Variants in CALCR observed in about 807,000 individuals in gnomAD.
CALCR encodes the protein calcitonin receptor.
Under a neutral mutation model 59.5 loss-of-function variants are expected in CALCR, and 47 were observed. That is an observed-to-expected ratio of 0.79 (90% CI 0.63 to 1.01). CALCR has a LOEUF of 1.01. Ranked by LOEUF, CALCR falls within the 50% of genes least tolerant of loss-of-function variation. The probability of loss-of-function intolerance (pLI) is 0.00; values close to 1 mark genes in which losing one functional copy is unlikely to be tolerated. For missense variants in CALCR, 566 were observed against 597.1 expected (o/e 0.95, Z 0.54); for synonymous variants, 213 against 211.3 (o/e 1.01, Z -0.07).
intron 9 of CALCR, chr7:93,441,487 AGGG>A (rs765535677): frequency 2.2e-6 from 1 of 453,004 alleles, no homozygotes; most frequent in Admixed American, 2.4e-5. Flanking sequence ...AATTGTTGAG[AGGG>A]TGTACATACG....
intron 2 of CALCR, among the ~76,000 whole-genome samples, chr7:93,553,106 C>A (rs913575251): frequency 6.6e-6 from 1 of 152,168 alleles, no homozygotes; most frequent in Non-Finnish European, 1.5e-5. Flanking sequence ...AATAAAATGA[C>A]TTTTATCCAA....
chr7:93,510,289 C>A (rs905113154), intron 2 of CALCR, among the ~76,000 whole-genome samples: 7 of 152,132 alleles, frequency 4.6e-5, no homozygotes, highest in African/African-American at 1.7e-4. Flanking sequence ...TCAGGAGCTA[C>A]TTAGGACCCG....
intron 2 of CALCR, among the ~76,000 whole-genome samples, chr7:93,519,541 T>G (rs772831404): frequency 6.6e-6 from 1 of 152,066 alleles, no homozygotes; most frequent in Non-Finnish European, 1.5e-5. Context: ...CCTCAGCACA[T>G]AGTATTCAAT....
At chr7:93,510,704 C>A (rs1801527234) in intron 2 of CALCR, among the ~76,000 whole-genome samples, 1 of 151,802 alleles carries the variant, frequency 6.6e-6, no homozygotes, top group Admixed American at 6.6e-5. Flanking sequence ...ACTGTCTCTA[C>A]AAAATAAAAG....
intron 8 of CALCR, among the ~76,000 whole-genome samples, chr7:93,450,096 C>G (rs1483847220): frequency 6.6e-6 from 1 of 152,006 alleles, no homozygotes; most frequent in Non-Finnish European, 1.5e-5. Context: ...TTCCATCTAT[C>G]CTTTCACTTT....
At chr7:93,518,993 T>C (rs1801703246) in intron 2 of CALCR, among the ~76,000 whole-genome samples, 1 of 151,976 alleles carries the variant, frequency 6.6e-6, no homozygotes, top group African/African-American at 2.4e-5. Flanking sequence ...TATTTAACTC[T>C]TACATAATGA....
intron 2 of CALCR, among the ~76,000 whole-genome samples, chr7:93,508,615 C>T (rs947786456): frequency 6.6e-6 from 1 of 152,098 alleles, no homozygotes; most frequent in Non-Finnish European, 1.5e-5. Context: ...TTTTAACTAA[C>T]CCTGTTTGAA....
intron 2 of CALCR, among the ~76,000 whole-genome samples, chr7:93,520,282 G>C (rs1801734778): frequency 6.7e-6 from 1 of 149,518 alleles, no homozygotes; most frequent in Non-Finnish European, 1.5e-5. Flanking sequence ...CAACCTGATG[G>C]TGGGGAATGA....
intron 8 of CALCR, among the ~76,000 whole-genome samples, chr7:93,457,587 A>T (rs942705080): frequency 6.6e-6 from 1 of 152,160 alleles, no homozygotes; most frequent in Non-Finnish European, 1.5e-5. Flanking sequence ...AATGTAGTTG[A>T]TTATTCAAAA....
chr7:93,479,256 G>A (rs1007449922), intron 4 of CALCR, 98 bp downstream of exon 4: 2 of 1,219,260 alleles, frequency 1.6e-6, no homozygotes, highest in East Asian at 2.4e-5. Context: ...AAAACTGCTG[G>A]CATATTAAAT....
rs1156506688 is a variant in CALCR at position 93,540,721 on chromosome 7, ATATATTTATATTATATAATAT to A, written c.-27+33547_-27+33567del. ...TTATATATTATATTTTATATATATT[ATATATTTATATTATATAATAT>A]TATATTTATATTATATAATATTATA... On this transcript the variant is annotated intron_variant, in intron 2 of 13. Coordinates refer to ENST00000426151, the MANE Select transcript of CALCR (RefSeq NM_001742.4). 1.7e-4 allele frequency among the ~76,000 whole-genome samples: 10 copies of A among 59,924 alleles called. No homozygotes were observed. In the South Asian group the frequency reaches 2.2e-3, roughly 13 times the overall value. The allele number at this position is 59,924 out of a possible 152,430, so 39.3% of individuals were successfully genotyped here.
In CALCR at chr7:93,488,582, G is replaced by GCAAAAAAAAAAAAAAAAAAAAAA. The variant is rs770479251; in HGVS notation, c.-26-1576_-26-1575insTTTTTTTTTTTTTTTTTTTTTTG. On this transcript the variant is annotated intron_variant, in intron 2 of 13. Coordinates refer to ENST00000426151, the MANE Select transcript of CALCR (RefSeq NM_001742.4). ...GGAAAATTTACCAAGCAAATGGAAA[G>GCAAAAAAAAAAAAAAAAAAAAAA]AAAAAAAAAAAAAAAAAAAGCATGG... is the stretch of plus-strand genomic sequence containing the variant. Among the ~76,000 whole-genome samples the GCAAAAAAAAAAAAAAAAAAAAAA allele has an allele frequency of 3.7e-4, 29 of 78,024 alleles. 7 individuals carry two copies. Among genetic ancestry groups the GCAAAAAAAAAAAAAAAAAAAAAA allele is most frequent in the African/African-American group, 6.5e-4 (13 of 20,020 alleles). The allele number at this position is 78,024 out of a possible 152,430, so 51.2% of individuals were successfully genotyped here. A position where few individuals can be genotyped will look rare whatever the true frequency, so the allele number is the denominator to read the frequency against.
chr7:93,434,479 G>A (rs1381288870), intron 12 of CALCR, among the ~76,000 whole-genome samples, 185 bp from the exon 13 acceptor site: 1 of 151,014 alleles, frequency 6.6e-6, no homozygotes, highest in Non-Finnish European at 1.5e-5. Context: ...TATTTTTCTT[G>A]TTAGGATTCC....
intron 8 of CALCR, among the ~76,000 whole-genome samples, chr7:93,459,328 C>G (rs1013359218): frequency 2.0e-5 from 3 of 152,176 alleles, no homozygotes; most frequent in African/African-American, 7.2e-5. Context: ...TGAGTGCCTG[C>G]TCCCCGCTCC....
intron 2 of CALCR, among the ~76,000 whole-genome samples, chr7:93,518,868 C>A (rs901484424): frequency 6.7e-6 from 1 of 149,746 alleles, no homozygotes; most frequent in Non-Finnish European, 1.5e-5. Flanking sequence ...CATACATTTA[C>A]ATTTACCAAG....
chr7:93,496,302 T>C (rs1177949941), intron 2 of CALCR, among the ~76,000 whole-genome samples: 1 of 151,520 alleles, frequency 6.6e-6, no homozygotes, highest in Non-Finnish European at 1.5e-5. Context: ...CTAATTTTTC[T>C]GTACGAAAAA....
At chr7:93,521,096 T>C (rs1801754750) in intron 2 of CALCR, among the ~76,000 whole-genome samples, 1 of 152,140 alleles carries the variant, frequency 6.6e-6, no homozygotes, top group Admixed American at 6.6e-5. Flanking sequence ...CCCTGGTACA[T>C]CTAATGTTAT....
At chr7:93,479,558 C>T (rs1800748542) in intron 3 of CALCR, 51 bp from the exon 4 acceptor site, 2 of 1,511,934 alleles carry the variant, frequency 1.3e-6, no homozygotes, top group Non-Finnish European at 1.8e-6. Context: ...AATGGGTGAG[C>T]ACAAATAAAT....
At chr7:93,506,075 C>T (rs1317017405) in intron 2 of CALCR, among the ~76,000 whole-genome samples, 1 of 152,220 alleles carries the variant, frequency 6.6e-6, no homozygotes, top group African/African-American at 2.4e-5. Context: ...CCCTCTCTCT[C>T]AAAAGACAGA....
Sources: gnomAD v4.1 joint callset for allele counts (sites outside exome capture counted in the v4.1 genomes callset) on GRCh38, gnomAD v4.1.1 for gene constraint, MANE v1.5 for transcripts, NCBI Gene and HGNC (gene_info 2026-07-23, HGNC 2026-07-21) for gene names.